The following SLBP variants were observed in gnomAD, a reference collection of about 807,000 sequenced individuals.
SLBP encodes stem-loop histone mRNA binding protein, also known as histone RNA hairpin-binding protein.
A neutral mutation model predicts 39.2 loss-of-function variants in SLBP; 29 were observed. That is an observed-to-expected ratio of 0.74 (90% CI 0.55 to 1.01). The LOEUF (loss-of-function observed/expected upper bound fraction) is 1.01. Among genes scored for constraint, SLBP ranks in the 50% least tolerant of loss-of-function variants. The pLI is 0.00. For missense variants in SLBP, 390 were observed against 350.2 expected (o/e 1.11, Z -0.91); for synonymous variants, 129 against 118.7 (o/e 1.09, Z -0.57).
At chr4:1,702,697 G>C (rs192427111) in intron 3 of SLBP, among the ~76,000 whole-genome samples, 12 of 152,294 alleles carry the variant, frequency 7.9e-5, no homozygotes, top group African/African-American at 2.6e-4. Context: ...GGATGCATTA[G>C]GTAATGAGTC....
intron 5 of SLBP, among the ~76,000 whole-genome samples, chr4:1,698,472 G>GT (rs1716204503): frequency 7.4e-6 from 1 of 134,386 alleles, no homozygotes; most frequent in Non-Finnish European, 1.6e-5. Context: ...TTCCAAAAAA[G>GT]TAAAAAAAAA....
intron 2 of SLBP, among the ~76,000 whole-genome samples, chr4:1,707,589 T>G (rs934883087): frequency 3.3e-5 from 5 of 152,188 alleles, no homozygotes; most frequent in African/African-American, 1.2e-4. Flanking sequence ...TATTTATACA[T>G]CAGACATAAA....
At chr4:1,705,496 T>C (rs1469490392) in intron 2 of SLBP, among the ~76,000 whole-genome samples, 1 of 152,208 alleles carries the variant, frequency 6.6e-6, no homozygotes, top group Non-Finnish European at 1.5e-5. Context: ...CTACTTGTTT[T>C]ATTTTGTCAG....
At chr4:1,703,724 T>C (rs746530753) in intron 2 of SLBP, 24 bp from the exon 3 acceptor site, 1 of 1,449,276 alleles carries the variant, frequency 6.9e-7, no homozygotes, top group African/African-American at 1.4e-5. Context: ...AAAATGCTAC[T>C]GAACCATGAC....
In SLBP at chr4:1,696,290, G is replaced by A. The variant is rs767305159; in HGVS notation, c.541C>T (p.Arg181Cys). The change falls in exon 6 of 8, where the codon CGT (arginine) becomes TGT (cysteine). Residue 181 changes from arginine to cysteine, a missense_variant. Transcript: ENST00000489418. ...AGTTTGATTTGCTGGTCCCATGAACGTCGACTATACTTCTTAAATTTATTA... is the reference window on the plus strand; with the variant it reads ...AGTTTGATTTGCTGGTCCCATGAACATCGACTATACTTCTTAAATTTATTA... ...TPNKFKKYSRRSWDQQIKLWK... is the reference protein window; with the variant it reads ...TPNKFKKYSRCSWDQQIKLWK... 2.5e-6 allele frequency: 4 copies of A among 1,602,690 alleles called. No homozygotes were observed. The highest frequency in any genetic ancestry group is 1.3e-5 in the African/African-American group (1 of 74,332).
chr4:1,704,476 A>G (rs769071315), intron 2 of SLBP, among the ~76,000 whole-genome samples: 2 of 152,192 alleles, frequency 1.3e-5, no homozygotes, highest in African/African-American at 4.8e-5. Context: ...ACCAATGTCA[A>G]TGTTGACAGG....
chr4:1,700,704 C>T (rs993369845), intron 3 of SLBP, among the ~76,000 whole-genome samples: 1 of 152,036 alleles, frequency 6.6e-6, no homozygotes, highest in Non-Finnish European at 1.5e-5. Context: ...GGACTCCAGG[C>T]AAGTGCCGCC....
intron 3 of SLBP, among the ~76,000 whole-genome samples, chr4:1,703,208 G>A (rs1192785665): frequency 6.8e-6 from 1 of 146,898 alleles, no homozygotes; most frequent in Non-Finnish European, 1.5e-5. Flanking sequence ...CTGTACTCCA[G>A]CCCGGGCAAC....
At chr4:1,702,833 T>C (rs1162506716) in intron 3 of SLBP, among the ~76,000 whole-genome samples, 1 of 152,200 alleles carries the variant, frequency 6.6e-6, no homozygotes, top group Admixed American at 6.5e-5. Flanking sequence ...TCTGAGCTGT[T>C]TGTTGCCTAA....
At chr4:1,695,188 C>G (rs1716061573) in intron 6 of SLBP, among the ~76,000 whole-genome samples, 1 of 152,166 alleles carries the variant, frequency 6.6e-6, no homozygotes, top group African/African-American at 2.4e-5. Flanking sequence ...AGTTTCTACT[C>G]AGAGAATGGG....
chr4:1,711,982 G>C lies in SLBP; in HGVS notation c.68C>G (p.Ser23Cys). The change falls in exon 2 of 8, where the codon TCC (serine) becomes TGC (cysteine). Residue 23 changes from serine (S) to cysteine (C), a missense_variant. Ser to Cys is a moderately radical substitution (Grantham distance 112). Transcript: ENST00000489418. ...SRCDGDASPP[S>C]PARWSLGRKR... ...CCGTCCCAGGCTCCATCGCGCGGGG[G>C]ACGGCGGGCTGCGGGGAGGGACGCG... 5 of 1,296,696 alleles carry C rather than the reference G, an allele frequency of 3.9e-6. No homozygotes were observed. Among genetic ancestry groups the C allele is most frequent in the Non-Finnish European group, 2.0e-6 (2 of 1,022,680 alleles). The allele number at this position is 1,296,696 out of a possible 1,614,324, so 80.3% of individuals were successfully genotyped here. A position where few individuals can be genotyped will look rare whatever the true frequency, so the allele number is the denominator to read the frequency against.
chr4:1,712,286 A>C lies in SLBP; in HGVS notation c.-98T>G. Reference sequence around the variant, plus strand: ...AGAGCAGGGCAGGGCCTGAGGCAGAAACCCGCGTCCCCGCGCCGGCGCTCA... The same window carrying C: ...AGAGCAGGGCAGGGCCTGAGGCAGACACCCGCGTCCCCGCGCCGGCGCTCA... On this transcript the variant is annotated 5_prime_UTR_variant, in exon 1 of 8. Transcript: ENST00000489418. 6 of 735,684 alleles carry C rather than the reference A, an allele frequency of 8.2e-6. No individual in the cohort carries two copies. The highest frequency in any genetic ancestry group is 1.2e-5 in the Non-Finnish European group (6 of 519,428). The allele number at this position is 735,684 out of a possible 1,614,324, so 45.6% of individuals were successfully genotyped here. A position where few individuals can be genotyped will look rare whatever the true frequency, so the allele number is the denominator to read the frequency against.
rs1206138443 is a variant in SLBP at position 1,700,055 on chromosome 4, G to C, written c.297C>G (p.Leu99=). Residue 99 remains leucine (L), a synonymous_variant, in exon 4 of 8, where the codon CTC becomes CTG. Coordinates refer to ENST00000489418, the MANE Select transcript of SLBP (RefSeq NM_006527.4). ...TCTCTCTTCCAAAGTCATTGATGAG[G>C]AGTTTCCTTTTATATCTGAGGGCAA... ...NKEMARYKRK[L]LINDFGRERK... is the part of the protein sequence containing the mutation. 6.3e-7 allele frequency: 1 copy of C among 1,599,904 alleles called. No homozygotes were observed.
chr4:1,698,696 G>A (rs929040907), intron 5 of SLBP, among the ~76,000 whole-genome samples: 1 of 151,958 alleles, frequency 6.6e-6, no homozygotes, highest in Non-Finnish European at 1.5e-5. Context: ...GTGTTAGCCA[G>A]GGTGGTCTCG....
chr4:1,699,939 AG>A (rs1211372148), intron 4 of SLBP, 71 bp downstream of exon 4: 3 of 1,081,864 alleles, frequency 2.8e-6, no homozygotes, highest in Non-Finnish European at 4.1e-6. Context: ...CATTTCTGAC[AG>A]TCACAATTTT....
intron 2 of SLBP, among the ~76,000 whole-genome samples, chr4:1,709,469 G>C (rs1022191465): frequency 6.6e-6 from 1 of 152,198 alleles, no homozygotes; most frequent in Non-Finnish European, 1.5e-5. Context: ...CAGATTTGCA[G>C]GCTCCTAGTT....
Position 1,703,636 on chromosome 4 carries a change from C to T in SLBP, c.241G>A (p.Glu81Lys). 1.2e-6 allele frequency: 2 copies of T among 1,613,934 alleles called. No individual in the cohort carries two copies. Among genetic ancestry groups the T allele is most frequent in the Non-Finnish European group, 1.7e-6 (2 of 1,179,768 alleles). ...TTAACTCTGGTCCTCATTTCATCTT[C>T]TTCAACTGCACTTGCCCAGTCAGAG... ...RCSDWASAVE[E>K]DEMRTRVNKE... Residue 81 changes from glutamate (E) to lysine (K), a missense_variant, in exon 3 of 8, where the codon GAA (glutamate) becomes AAA (lysine). Physicochemically the swap from Glu to Lys is moderately conservative, Grantham distance 56. Coordinates refer to ENST00000489418, the MANE Select transcript of SLBP (RefSeq NM_006527.4).
chr4:1,698,842 G>A (rs1301062957), intron 5 of SLBP, among the ~76,000 whole-genome samples: 2 of 151,750 alleles, frequency 1.3e-5, no homozygotes, highest in African/African-American at 2.4e-5. Context: ...CCAGGCTGGA[G>A]TGCAGTGGTG....
intron 3 of SLBP, among the ~76,000 whole-genome samples, chr4:1,701,300 C>T (rs1397588244): frequency 6.6e-6 from 1 of 151,886 alleles, no homozygotes; most frequent in Non-Finnish European, 1.5e-5. Flanking sequence ...TTGCTGCCAC[C>T]ACGCCTGGCT....
Sources: allele counts gnomAD v4.1 joint callset (sites outside exome capture counted in the v4.1 genomes callset), GRCh38; gene constraint gnomAD v4.1.1; transcripts MANE v1.5; gene names NCBI Gene and HGNC (gene_info 2026-07-23, HGNC 2026-07-21).